The following ARHGAP26 variants were observed in gnomAD, a reference collection of about 807,000 sequenced individuals.
The protein encoded by ARHGAP26 is Rho GTPase activating protein 26.
A neutral mutation model predicts 104.8 loss-of-function variants in ARHGAP26; 38 were observed. That is an observed-to-expected ratio of 0.36 (90% CI 0.28 to 0.48). The LOEUF is 0.48. Ranked by LOEUF, ARHGAP26 falls within the 20% of genes least tolerant of loss-of-function variation. ARHGAP26 has a pLI of 0.99. For missense variants in ARHGAP26, 704 were observed against 947.9 expected (o/e 0.74, Z 3.38); for synonymous variants, 341 against 340.0 (o/e 1.00, Z -0.03).
chr5:143,068,704 A>G (rs1049407840), intron 17 of ARHGAP26, among the ~76,000 whole-genome samples: 4 of 152,222 alleles, frequency 2.6e-5, no homozygotes, highest in Admixed American at 2.6e-4. Context: ...TCAATCCCAT[A>G]TCCCCTTTTA....
At chr5:143,156,665 G>A (rs1800495889) in intron 20 of ARHGAP26, among the ~76,000 whole-genome samples, 1 of 152,212 alleles carries the variant, frequency 6.6e-6, no homozygotes, top group Non-Finnish European at 1.5e-5. Flanking sequence ...AATAAAATCA[G>A]GACTTACCTC....
chr5:142,837,745 G>A (rs544975106), intron 1 of ARHGAP26, among the ~76,000 whole-genome samples: 6 of 152,236 alleles, frequency 3.9e-5, no homozygotes, highest in East Asian at 1.9e-4. Flanking sequence ...ATTCTGGATC[G>A]TCAGCCTTGG....
chr5:143,069,340 C>G (rs573029695), intron 17 of ARHGAP26, among the ~76,000 whole-genome samples: 6 of 152,326 alleles, frequency 3.9e-5, no homozygotes, highest in African/African-American at 1.2e-4. Context: ...AGTGCCTGCA[C>G]TGCTCAATAA....
At chr5:143,168,203 T>C (rs1302031296) in intron 20 of ARHGAP26, among the ~76,000 whole-genome samples, 1 of 152,204 alleles carries the variant, frequency 6.6e-6, no homozygotes, top group African/African-American at 2.4e-5. Context: ...TTTGAACATA[T>C]GCTTCTCATC....
intron 1 of ARHGAP26, among the ~76,000 whole-genome samples, chr5:142,839,919 G>GGA (rs1205234828): frequency 6.7e-6 from 1 of 148,488 alleles, no homozygotes; most frequent in Non-Finnish European, 1.5e-5. Flanking sequence ...GGAGGGGAGG[G>GGA]GAGAGAGAGA....
At position 143,198,741 on chromosome 5, in the gene ARHGAP26, C is replaced by T. The variant is rs531356186; in HGVS notation, c.1989-8457C>T. Among the ~76,000 whole-genome samples the T allele has an allele frequency of 9.8e-5, 15 of 152,312 alleles. No homozygotes were observed. The East Asian group carries it at 2.3e-3, about 23-fold the overall frequency. ...GAATTTTGTTTAAATCATAGAATTA[C>T]TTACCATTCCTACTCACCCCATCTA... On this transcript the variant is annotated intron_variant, in intron 20 of 22. Coordinates refer to ENST00000645722, the MANE Select transcript of ARHGAP26 (RefSeq NM_001135608.3).
In ARHGAP26 at chr5:142,928,122, AGT is replaced by A; in HGVS notation, c.1029-3924_1029-3923del. Among the ~76,000 whole-genome samples, 3 of 152,260 alleles carry A rather than the reference AGT, an allele frequency of 2.0e-5. No individual in the cohort carries two copies. In the South Asian group the frequency reaches 6.2e-4, roughly 32 times the overall value. On this transcript the variant is annotated intron_variant, in intron 10 of 22. Coordinates refer to ENST00000645722, the MANE Select transcript of ARHGAP26 (RefSeq NM_001135608.3). The stretch of plus-strand genomic sequence containing the variant: ...TTTGACTTTTAATTTTTTAAATAAA[AGT>A]AATTAAGTAATTAAATTCATCTTTT...
At chr5:142,830,770 C>T (rs1768247980) in intron 1 of ARHGAP26, among the ~76,000 whole-genome samples, 1 of 152,282 alleles carries the variant, frequency 6.6e-6, no homozygotes, top group East Asian at 1.9e-4. Context: ...ATCTCTTTGC[C>T]ATTGTAAATA....
intron 1 of ARHGAP26, among the ~76,000 whole-genome samples, chr5:142,831,694 C>T (rs369380526): frequency 6.6e-6 from 1 of 152,112 alleles, no homozygotes; most frequent in Non-Finnish European, 1.5e-5. Flanking sequence ...CCACCCTCTG[C>T]CACCCATCCC....
At chr5:143,153,562 C>T (rs1470628393) in intron 20 of ARHGAP26, among the ~76,000 whole-genome samples, 1 of 152,188 alleles carries the variant, frequency 6.6e-6, no homozygotes, top group Admixed American at 6.5e-5. Flanking sequence ...AGGGACATAA[C>T]ATGCTGCAGT....
chr5:143,064,954 C>A (rs565484954), intron 17 of ARHGAP26, among the ~76,000 whole-genome samples: 2 of 152,138 alleles, frequency 1.3e-5, no homozygotes, highest in Non-Finnish European at 2.9e-5. Context: ...TGATTTGGGT[C>A]TCTTGTTTGT....
At chr5:143,121,736 C>G (rs1208199298) in intron 18 of ARHGAP26, among the ~76,000 whole-genome samples, 2 of 152,058 alleles carry the variant, frequency 1.3e-5, no homozygotes, top group African/African-American at 4.8e-5. Context: ...TTTTCCTCAT[C>G]CCCCAATTTG....
At chr5:142,896,993 T>C (rs1047152154) in intron 6 of ARHGAP26, among the ~76,000 whole-genome samples, 5 of 152,218 alleles carry the variant, frequency 3.3e-5, no homozygotes, top group Non-Finnish European at 7.3e-5. Flanking sequence ...TAACAGGGCC[T>C]ACCTGTTTTA....
At chr5:143,052,018 T>C (rs1322560216) in intron 14 of ARHGAP26, among the ~76,000 whole-genome samples, 3 of 152,188 alleles carry the variant, frequency 2.0e-5, no homozygotes, top group African/African-American at 7.2e-5. Context: ...ATACATACTC[T>C]TCTGCAGGAA....
chr5:142,824,895 A>G (rs545857412), intron 1 of ARHGAP26, among the ~76,000 whole-genome samples: 1 of 152,362 alleles, frequency 6.6e-6, no homozygotes, highest in African/African-American at 2.4e-5. Flanking sequence ...TGTTAAATAT[A>G]TATTGAGGAT....
intron 11 of ARHGAP26, among the ~76,000 whole-genome samples, chr5:143,000,760 A>C (rs1202296189): frequency 6.6e-6 from 1 of 152,236 alleles, no homozygotes; most frequent in South Asian, 2.1e-4. Context: ...CATCATTCTC[A>C]GCAGACTAAC....
intron 11 of ARHGAP26, among the ~76,000 whole-genome samples, chr5:142,987,154 GTCCTCTTT>G (rs1160597240): frequency 9.2e-5 from 14 of 152,228 alleles, no homozygotes; most frequent in African/African-American, 3.4e-4. Flanking sequence ...ATTTGTTTGT[GTCCTCTTT>G]TATTTCGTTG....
At chr5:143,133,946 G>C in intron 18 of ARHGAP26, 21 bp from the exon 19 acceptor site, 2 of 1,599,442 alleles carry the variant, frequency 1.3e-6, no homozygotes, top group Non-Finnish European at 1.7e-6. Context: ...GAGTAACCTT[G>C]TTGTGAAACT....
chr5:142,794,628 C>A (rs1289343304), intron 1 of ARHGAP26, among the ~76,000 whole-genome samples: 1 of 152,104 alleles, frequency 6.6e-6, no homozygotes, highest in Non-Finnish European at 1.5e-5. Context: ...AGACTGTGAG[C>A]AGCCTAAGAA....
Sources: gnomAD v4.1 joint callset for allele counts (sites outside exome capture counted in the v4.1 genomes callset) on GRCh38, gnomAD v4.1.1 for gene constraint, MANE v1.5 for transcripts, NCBI Gene and HGNC (gene_info 2026-07-23, HGNC 2026-07-21) for gene names.